Variants in MAGI1 observed in about 807,000 individuals in gnomAD.
MAGI1 encodes membrane-associated guanylate kinase, WW and PDZ domain-containing protein 1.
Under a neutral mutation model 139.9 loss-of-function variants are expected in MAGI1, and 58 were observed. The observed-to-expected ratio is 0.41, with a 90% CI of 0.34 to 0.52. MAGI1 has a LOEUF of 0.52. Ranked by LOEUF, MAGI1 falls within the 20% of genes least tolerant of loss-of-function variation. The pLI is 0.12. For synonymous variants in MAGI1, 812 were observed against 737.9 expected (o/e 1.10, Z -1.63); for missense variants, 1,874 against 1,901.6 (o/e 0.99, Z 0.27).
intron 1 of MAGI1, among the ~76,000 whole-genome samples, chr3:65,938,451 G>C (rs941493127): frequency 3.3e-5 from 5 of 151,358 alleles, no homozygotes; most frequent in African/African-American, 1.2e-4. Context: ...AAGGTGATTC[G>C]AGTACTATTA....
intron 2 of MAGI1, among the ~76,000 whole-genome samples, chr3:65,529,119 C>T (rs546599406): frequency 8.3e-6 from 1 of 120,982 alleles, no homozygotes; most frequent in Non-Finnish European, 1.7e-5. Context: ...GGTAAATATT[C>T]TTTTTTTAAA....
intron 1 of MAGI1, among the ~76,000 whole-genome samples, chr3:65,710,042 C>T (rs548197333): frequency 2.0e-5 from 3 of 152,144 alleles, no homozygotes; most frequent in African/African-American, 4.8e-5. Flanking sequence ...AAGCTTTTGA[C>T]TTCTGAAAGT....
rs1159629965 is a variant in MAGI1, at chr3:65,430,678, C to T, written c.1546+21G>A. 4 of 1,611,336 alleles carry T rather than the reference C, an allele frequency of 2.5e-6. No individual in the cohort carries two copies. The African/African-American group carries it at 5.3e-5, about 22-fold the overall frequency. On this transcript the variant is annotated intron_variant, in intron 11 of 22. Transcript: ENST00000402939. ...TTGGAGTCTCACCACACAGAACACACTAAGGCCATGTTGACGCTACCTGTT... is the reference window on the plus strand; with the variant it reads ...TTGGAGTCTCACCACACAGAACACATTAAGGCCATGTTGACGCTACCTGTT...
chr3:65,509,451 C>T (rs1454378612), intron 2 of MAGI1, among the ~76,000 whole-genome samples: 1 of 152,168 alleles, frequency 6.6e-6, no homozygotes, highest in Non-Finnish European at 1.5e-5. Flanking sequence ...GGTGCGCGTA[C>T]CGTGCGCAAG....
chr3:65,804,746 C>T (rs1360606102), intron 1 of MAGI1, among the ~76,000 whole-genome samples: 2 of 152,058 alleles, frequency 1.3e-5, no homozygotes, highest in African/African-American at 4.8e-5. Context: ...GGCACAAAGA[C>T]CAATGGAACA....
intron 1 of MAGI1, among the ~76,000 whole-genome samples, chr3:65,696,412 T>C (rs928854380): frequency 6.6e-6 from 1 of 152,146 alleles, no homozygotes; most frequent in Admixed American, 6.5e-5. Context: ...CCAATATAAA[T>C]ATAAAGGAAT....
chr3:65,660,354 A>C (rs2086126232), intron 1 of MAGI1, among the ~76,000 whole-genome samples: 1 of 152,278 alleles, frequency 6.6e-6, no homozygotes, highest in Admixed American at 6.5e-5. Flanking sequence ...ATAATTATAC[A>C]AATAATCACA....
At chr3:65,359,756 G>T in intron 22 of MAGI1, 1 of 985,646 alleles carries the variant, frequency 1.0e-6, no homozygotes, top group African/African-American at 1.7e-5. Flanking sequence ...GTATTTAAAT[G>T]ATCTTTATTT....
At chr3:65,572,927 T>C (rs2081021700) in intron 2 of MAGI1, among the ~76,000 whole-genome samples, 1 of 151,780 alleles carries the variant, frequency 6.6e-6, no homozygotes. Context: ...GAACAGATTG[T>C]TTCTCTCCAA....
chr3:65,435,598 A>C (rs1193836856), intron 10 of MAGI1, among the ~76,000 whole-genome samples: 1 of 152,140 alleles, frequency 6.6e-6, no homozygotes, highest in Admixed American at 6.6e-5. Flanking sequence ...ACAGTGAAAA[A>C]ACAAAAAACA....
chr3:65,835,325 A>G (rs1007303029), intron 1 of MAGI1, among the ~76,000 whole-genome samples: 1 of 152,240 alleles, frequency 6.6e-6, no homozygotes, highest in African/African-American at 2.4e-5. Flanking sequence ...ACAAGAAACT[A>G]CAGTTATATG....
At chr3:65,907,471 T>C (rs2061485135) in intron 1 of MAGI1, among the ~76,000 whole-genome samples, 1 of 152,156 alleles carries the variant, frequency 6.6e-6, no homozygotes, top group African/African-American at 2.4e-5. Flanking sequence ...ACACCCGCCT[T>C]CCCTGGAACT....
At chr3:65,375,414 C>A (rs1054954543) in intron 18 of MAGI1, among the ~76,000 whole-genome samples, 10 of 152,038 alleles carry the variant, frequency 6.6e-5, no homozygotes, top group Non-Finnish European at 1.2e-4. Flanking sequence ...GTCTCGATCT[C>A]CTGACCTCAT....
chr3:66,032,058 C>T (rs996508483), intron 1 of MAGI1, among the ~76,000 whole-genome samples: 2 of 152,082 alleles, frequency 1.3e-5, no homozygotes, highest in Non-Finnish European at 2.9e-5. Context: ...GATCTGATTA[C>T]GAGAAAGTGA....
At chr3:65,790,974 T>C (rs1057042423) in intron 1 of MAGI1, among the ~76,000 whole-genome samples, 14 of 151,522 alleles carry the variant, frequency 9.2e-5, no homozygotes, top group African/African-American at 3.2e-4. Flanking sequence ...ACTGGAGAGG[T>C]TGAGACAGGA....
At chr3:65,409,271 T>G (rs1945591731) in intron 12 of MAGI1, among the ~76,000 whole-genome samples, 5 of 152,168 alleles carry the variant, frequency 3.3e-5, no homozygotes, top group Admixed American at 3.3e-4. Flanking sequence ...TAATTCACAG[T>G]GGTAAGTGTT....
intron 13 of MAGI1, among the ~76,000 whole-genome samples, chr3:65,400,750 ATTTTTTTTTTTTTTT>A (rs767598706): frequency 0.026 from 1,567 of 60,610 alleles, 54 homozygotes; most frequent in African/African-American, 0.082. Context: ...CAAAACATTG[ATTTTTTTTTTTTTTT>A]TTTTTTTTTT....
chr3:65,540,921 C>T (rs2079180994), intron 2 of MAGI1, among the ~76,000 whole-genome samples: 1 of 152,140 alleles, frequency 6.6e-6, no homozygotes, highest in Non-Finnish European at 1.5e-5. Flanking sequence ...TCAGGGCTCC[C>T]CGTGGTGCAG....
chr3:65,609,405 C>A (rs1370537969), intron 2 of MAGI1, among the ~76,000 whole-genome samples: 3 of 151,170 alleles, frequency 2.0e-5, no homozygotes, highest in Non-Finnish European at 4.4e-5. Context: ...AGCCTCCCAA[C>A]TAGCTGGGAC....
Sources: allele counts gnomAD v4.1 joint callset (sites outside exome capture counted in the v4.1 genomes callset), GRCh38; gene constraint gnomAD v4.1.1; transcripts MANE v1.5; gene names NCBI Gene and HGNC (gene_info 2026-07-23, HGNC 2026-07-21).